Variants in NAA38 observed in about 807,000 individuals in gnomAD.
The protein encoded by NAA38 is N-alpha-acetyltransferase 38, NatC auxiliary subunit.
A neutral mutation model predicts 12.6 loss-of-function variants in NAA38; 15 were observed. That is an observed-to-expected ratio of 1.19 (90% CI 0.79 to 1.83). The LOEUF (loss-of-function observed/expected upper bound fraction) is 1.83. NAA38 is among the 40% of genes most tolerant of loss of function. NAA38 has a pLI of 0.00. For synonymous variants in NAA38, 88 were observed against 69.9 expected (o/e 1.26, Z -1.29); for missense variants, 183 against 171.7 (o/e 1.07, Z -0.37).
chr17:7,885,064 G>GCCA, intron 1 of NAA38: 1 of 984,174 alleles, frequency 1.0e-6, no homozygotes, highest in Non-Finnish European at 1.2e-6. Flanking sequence ...TGCCCCCGCC[G>GCCA]CCGCCGCCCC....
intron 2 of NAA38, among the ~76,000 whole-genome samples, chr17:7,879,610 C>A (rs1967234546): frequency 6.6e-6 from 1 of 151,726 alleles, no homozygotes; most frequent in Admixed American, 6.6e-5. Flanking sequence ...TATTTGAGTT[C>A]TTTGTTCTCA....
chr17:7,866,243 A>T (rs545602050), intron 3 of NAA38, among the ~76,000 whole-genome samples: 5 of 143,178 alleles, frequency 3.5e-5, no homozygotes, highest in Non-Finnish European at 6.0e-5. Flanking sequence ...CCCGCCACCA[A>T]GCCCGGCTAA....
chr17:7,859,168 C>A, upstream of NAA38: 2 of 601,044 alleles, frequency 3.3e-6, no homozygotes, highest in South Asian at 4.1e-5. Context: ...GGACAGTTGA[C>A]CCTTTATGGC....
At chr17:7,859,255 C>A, upstream of NAA38, 1 of 718,172 alleles carries the variant, frequency 1.4e-6, no homozygotes, top group Non-Finnish European at 2.3e-6. Flanking sequence ...GGAGTTTCAG[C>A]TTTTTTTTCC....
At chr17:7,872,452 C>T (rs892755202) in intron 2 of NAA38, among the ~76,000 whole-genome samples, 1 of 152,214 alleles carries the variant, frequency 6.6e-6, no homozygotes, top group African/African-American at 2.4e-5. Context: ...TCACTGCAAC[C>T]TCCGCGTTCA....
chr17:7,857,546 A>C lies in NAA38; in HGVS notation c.-83T>G, dbSNP rs1488512111. On this transcript the variant is annotated 5_prime_UTR_variant, in exon 1 of 3. Coordinates refer to ENST00000575771, the MANE Select transcript of NAA38 (RefSeq NM_001320925.4). ...GTCCGAGATCTCGCGAGCGCTCCCG[A>C]CCTCTTTCCTTTCGCGAGATCCCCT... The C allele has an allele frequency of 1.4e-6, 2 of 1,436,780 alleles. No homozygotes were observed. Among genetic ancestry groups the C allele is most frequent in the East Asian group, 2.5e-5 (1 of 39,474 alleles). The allele number at this position is 1,436,780 out of a possible 1,614,324, so 89.0% of individuals were successfully genotyped here.
In NAA38 at chr17:7,857,022, C is replaced by G. The variant is rs2078824840; in HGVS notation, c.258G>C (p.Lys86Asn). The change falls in exon 2 of 3, where the codon AAG (lysine) becomes AAC (asparagine). Residue 86 changes from lysine to asparagine, a missense_variant. Coordinates refer to ENST00000575771, the MANE Select transcript of NAA38 (RefSeq NM_001320925.4). ...CATTCCCCGGGCACTGACCCGACGG[C>G]TTGAGGAACTCCTGCGCCGAGCCCA... The part of the protein sequence containing the change: ...VILGSAQEFL[K>N]PSDSFSAGEP... 2 of 1,605,426 alleles carry G rather than the reference C, an allele frequency of 1.2e-6. No homozygotes were observed. Among genetic ancestry groups the G allele is most frequent in the Non-Finnish European group, 1.7e-6 (2 of 1,173,874 alleles).
intron 2 of NAA38, among the ~76,000 whole-genome samples, chr17:7,882,308 A>G (rs1327073682): frequency 1.3e-5 from 2 of 152,160 alleles, no homozygotes; most frequent in African/African-American, 4.8e-5. Flanking sequence ...GACACTTCCC[A>G]TACACAGTAT....
Position 7,857,211 on chromosome 17 carries a change from T to TA in NAA38, c.82-14dup. ...CTCCGTCCGAATCCTGCGCGGGGTG[T>TA]AACAAGCGCTCAGACCGCGCAGCCC... On this transcript the variant is annotated splice_polypyrimidine_tract_variant and intron_variant, in intron 1 of 2. Coordinates refer to ENST00000575771, the MANE Select transcript of NAA38 (RefSeq NM_001320925.4). 6.2e-7 allele frequency: 1 copy of TA among 1,612,802 alleles called. No homozygotes were observed. Among genetic ancestry groups the TA allele is most frequent in the Non-Finnish European group, 8.5e-7 (1 of 1,179,912 alleles).
chr17:7,881,644 C>G (rs142316235), intron 2 of NAA38, among the ~76,000 whole-genome samples: 1 of 150,848 alleles, frequency 6.6e-6, no homozygotes, highest in African/African-American at 2.4e-5. Flanking sequence ...GGGATAGCAG[C>G]AAACAGGGTA....
intron 2 of NAA38, among the ~76,000 whole-genome samples, chr17:7,872,609 C>T (rs779392390): frequency 6.6e-6 from 1 of 152,234 alleles, no homozygotes; most frequent in Non-Finnish European, 1.5e-5. Flanking sequence ...GATCCGCCCA[C>T]CTCGGCCTCG....
upstream of NAA38, chr17:7,860,127 C>T (rs1480271153): frequency 6.2e-6 from 1 of 162,290 alleles, no homozygotes; most frequent in Non-Finnish European, 1.3e-5. Flanking sequence ...AGATATTATA[C>T]TAGGTACTTC....
chr17:7,858,143 C>G (rs2078847551), upstream of NAA38: 3 of 1,613,348 alleles, frequency 1.9e-6, no homozygotes, highest in Non-Finnish European at 2.5e-6. Flanking sequence ...CCATGCCGCG[C>G]CGGGGCCTGG....
Position 7,885,025 on chromosome 17 carries a change from CCCGCCGCCG to C in NAA38, c.-167+131_-167+139del, listed in dbSNP as rs759738955. 4.5e-4 allele frequency: 523 copies of C among 1,161,190 alleles called. 1 individual carries two copies. Among genetic ancestry groups the C allele is most frequent in the Middle Eastern group, 3.8e-3 (11 of 2,872 alleles). 71.9% of individuals were successfully genotyped at this position (1,161,190 alleles called of 1,614,324 possible). On this transcript the variant is annotated intron_variant, in intron 1 of 4. Coordinates refer to the NAA38 transcript ENST00000576861. Reference sequence around the variant, plus strand: ...ACAGCCCCCCCGGCTGCCACCTCTTCCCGCCGCCGCCGCCGCCGCCGCCACCGCTGCCCC... The same window carrying C: ...ACAGCCCCCCCGGCTGCCACCTCTTCCCGCCGCCGCCGCCACCGCTGCCCC...
chr17:7,880,498 C>T (rs914203157), intron 2 of NAA38, among the ~76,000 whole-genome samples: 1 of 152,146 alleles, frequency 6.6e-6, no homozygotes, highest in Non-Finnish European at 1.5e-5. Context: ...TCTAAGGTGG[C>T]ATGTGAGTGG....
At chr17:7,865,179 T>C (rs1415401359) in intron 3 of NAA38, 2 of 152,182 alleles carry the variant, frequency 1.3e-5, no homozygotes, top group Non-Finnish European at 2.9e-5. Flanking sequence ...GTATTACCTG[T>C]AGAGCTGCAT....
chr17:7,857,245 C>G, intron 1 of NAA38, 47 bp from the exon 2 acceptor site: 1 of 1,610,200 alleles, frequency 6.2e-7, no homozygotes, highest in South Asian at 1.1e-5. Flanking sequence ...CCAGGCTGCC[C>G]GCCCGCGGAA....
intron 1 of NAA38, chr17:7,884,728 G>GGCGGCC: frequency 2.8e-6 from 1 of 360,570 alleles, no homozygotes; most frequent in Non-Finnish European, 4.9e-6. Flanking sequence ...AGGAGGAGGA[G>GGCGGCC]GAGGAGGTGG....
chr17:7,878,994 T>C (rs989490378), intron 2 of NAA38, among the ~76,000 whole-genome samples: 3 of 150,898 alleles, frequency 2.0e-5, no homozygotes, highest in East Asian at 1.9e-4. Flanking sequence ...TATATACATA[T>C]ATTTATCCTA....
Sources: allele counts gnomAD v4.1 joint callset (sites outside exome capture counted in the v4.1 genomes callset), GRCh38; gene constraint gnomAD v4.1.1; transcripts MANE v1.5; gene names NCBI Gene and HGNC (gene_info 2026-07-23, HGNC 2026-07-21).